KLF8: variants seen among roughly 807,000 people sequenced by gnomAD.
KLF8 encodes Krueppel-like factor 8.
In KLF8, 10 loss-of-function variants were observed where a neutral mutation model predicts 18.2. The observed-to-expected ratio is 0.55, with a 90% CI of 0.34 to 0.93. The LOEUF (loss-of-function observed/expected upper bound fraction) is 0.93, where lower values mean the gene tolerates loss of function less well. Ranked by LOEUF, KLF8 falls within the 40% of genes least tolerant of loss-of-function variation. KLF8 has a pLI of 0.02. For synonymous variants in KLF8, 109 were observed against 97.3 expected (o/e 1.12, Z -0.71); for missense variants, 264 against 277.9 (o/e 0.95, Z 0.36).
chrX:56,169,281 C>T, the KLF8 span, among the ~76,000 whole-genome samples: 37 of 111,466 alleles, frequency 3.3e-4, no homozygotes, highest in Admixed American at 2.0e-3. Flanking sequence ...GCGGTGGCTA[C>T]AGGAAGACAC....
Position 56,232,968 on chromosome X carries a change from G to C in KLF8, c.-367G>C. 1 of 252,267 alleles carries C rather than the reference G, an allele frequency of 4.0e-6. No individual in the cohort carries two copies. The highest frequency in any genetic ancestry group is 7.3e-6 in the Non-Finnish European group (1 of 136,431). The allele number at this position is 252,267 out of a possible 1,213,427, so 20.8% of individuals were successfully genotyped here. ...AGGACCTTAAGCTCTGGCCACTTCG[G>C]CCCAGCGAACCCACTTTATTTTTGT... On this transcript the variant is annotated 5_prime_UTR_variant, in exon 1 of 6. Transcript: ENST00000468660.
At chrX:56,013,567 C>A in the KLF8 span, among the ~76,000 whole-genome samples, 1 of 111,572 alleles carries the variant, frequency 9.0e-6, no homozygotes, top group Non-Finnish European at 1.9e-5. Context: ...TTGTGGTTTC[C>A]ATAATCCCCA....
At chrX:56,174,050 A>G in the KLF8 span, among the ~76,000 whole-genome samples, 1 of 111,707 alleles carries the variant, frequency 9.0e-6, no homozygotes, top group Non-Finnish European at 1.9e-5. Context: ...AACAGGGACA[A>G]TTTGCCTTCC....
chrX:55,962,260 G>C, the KLF8 span: 2 of 189,859 alleles, frequency 1.1e-5, no homozygotes, highest in Non-Finnish European at 2.1e-5. Context: ...TGCAGACTCA[G>C]CTGGTCTCCA....
At chrX:56,122,217 A>G in the KLF8 span, among the ~76,000 whole-genome samples, 4 of 111,602 alleles carry the variant, frequency 3.6e-5, no homozygotes, top group African/African-American at 1.3e-4. Flanking sequence ...CATATATGAA[A>G]AAAACAAAAT....
At chrX:56,166,515 T>C in the KLF8 span, among the ~76,000 whole-genome samples, 1 of 112,178 alleles carries the variant, frequency 8.9e-6, no homozygotes, top group Admixed American at 9.5e-5. Flanking sequence ...GATCCTGGGA[T>C]ATTTGTAGAT....
At chrX:55,940,203 G>A in the KLF8 span, among the ~76,000 whole-genome samples, 161 of 111,891 alleles carry the variant, frequency 1.4e-3, 1 homozygote, top group East Asian at 0.04. Flanking sequence ...TTCATTCCTG[G>A]GATGCAAGCC....
At chrX:56,181,056 G>A in the KLF8 span, among the ~76,000 whole-genome samples, 12 of 111,390 alleles carry the variant, frequency 1.1e-4, no homozygotes, top group Non-Finnish European at 1.9e-4. Context: ...AATATTGACA[G>A]TGGGGTACTA....
chrX:56,128,374 A>G, the KLF8 span, among the ~76,000 whole-genome samples: 5 of 111,725 alleles, frequency 4.5e-5, no homozygotes, highest in East Asian at 1.4e-3. Context: ...AACAATAACA[A>G]ACATACTTTA....
chrX:56,238,551 C>T (rs2375630), intron 1 of KLF8, among the ~76,000 whole-genome samples: 6 of 110,551 alleles, frequency 5.4e-5, no homozygotes, highest in African/African-American at 2.0e-4. Context: ...TCTCTCTTGG[C>T]AATAATTGCC....
chrX:56,135,781 C>T, the KLF8 span, among the ~76,000 whole-genome samples: 2 of 111,874 alleles, frequency 1.8e-5, no homozygotes, highest in Admixed American at 9.5e-5. Context: ...TTCAGGTAAA[C>T]AATGAAATTA....
At chrX:56,134,994 T>C in the KLF8 span, among the ~76,000 whole-genome samples, 4 of 110,211 alleles carry the variant, frequency 3.6e-5, no homozygotes, top group African/African-American at 1.3e-4. Context: ...GCAATAAAAA[T>C]AAAAATCAAT....
At chrX:56,059,547 G>A in the KLF8 span, among the ~76,000 whole-genome samples, 8 of 111,671 alleles carry the variant, frequency 7.2e-5, no homozygotes, top group African/African-American at 2.6e-4. Flanking sequence ...GTAAGGAAGG[G>A]GTCCAGTTTC....
At chrX:56,031,098 G>T in the KLF8 span, among the ~76,000 whole-genome samples, 1 of 110,981 alleles carries the variant, frequency 9.0e-6, no homozygotes, top group Non-Finnish European at 1.9e-5. Context: ...TGGAGTCATA[G>T]TAACTCCATA....
At chrX:56,173,202 A>G in the KLF8 span, among the ~76,000 whole-genome samples, 1 of 111,835 alleles carries the variant, frequency 8.9e-6, no homozygotes, top group South Asian at 3.7e-4. Context: ...GATATGGCCT[A>G]GGTTTTCTTG....
chrX:55,953,018 T>C, the KLF8 span, among the ~76,000 whole-genome samples: 2 of 111,477 alleles, frequency 1.8e-5, no homozygotes, highest in Non-Finnish European at 3.8e-5. Flanking sequence ...GAGTCTGAGT[T>C]CAGTGCCCTA....
At chrX:56,075,060 A>T in the KLF8 span, among the ~76,000 whole-genome samples, 7 of 110,937 alleles carry the variant, frequency 6.3e-5, no homozygotes, top group Non-Finnish European at 1.3e-4. Context: ...TGGAAAATAG[A>T]GTATCCATCC....
the KLF8 span, among the ~76,000 whole-genome samples, chrX:56,174,307 C>A: frequency 1.8e-5 from 2 of 111,638 alleles, no homozygotes; most frequent in East Asian, 2.8e-4. Context: ...TAGCATGAAG[C>A]ATTGTTGAAT....
At chrX:56,248,842 A>C (rs1364569357) in intron 1 of KLF8, among the ~76,000 whole-genome samples, 1 of 111,686 alleles carries the variant, frequency 9.0e-6, no homozygotes, top group Admixed American at 9.5e-5. Context: ...TTCATGCATA[A>C]ATTCTCTAAT....
Sources: gnomAD v4.1 joint callset for allele counts (sites outside exome capture counted in the v4.1 genomes callset) on GRCh38, gnomAD v4.1.1 for gene constraint, MANE v1.5 for transcripts, NCBI Gene and HGNC (gene_info 2026-07-23, HGNC 2026-07-21) for gene names.